ATRNL1: variants seen among roughly 807,000 people sequenced by gnomAD.
ATRNL1 encodes attractin-like protein 1.
Under a neutral mutation model 182.7 loss-of-function variants are expected in ATRNL1, and 95 were observed. That is an observed-to-expected ratio of 0.52 (90% confidence interval 0.44 to 0.62). The LOEUF (loss-of-function observed/expected upper bound fraction) is 0.62. Among genes scored for constraint, ATRNL1 ranks in the 20% least tolerant of loss-of-function variants. ATRNL1 has a pLI of 0.00. For synonymous variants in ATRNL1, 576 were observed against 568.3 expected, an observed-to-expected ratio of 1.01 and a Z score of -0.19; for missense variants, 1,471 against 1,679.5, an observed-to-expected ratio of 0.88 and a Z score of 2.17.
intron 22 of ATRNL1, among the ~76,000 whole-genome samples, chr10:115,462,543 T>G (rs1554969953): frequency 6.6e-6 from 1 of 151,860 alleles, no homozygotes; most frequent in Admixed American, 6.6e-5. Context: ...ACCCAGGAGG[T>G]GGAGGTTGCA....
intron 26 of ATRNL1, among the ~76,000 whole-genome samples, chr10:115,645,633 A>T (rs1555032026): frequency 3.9e-5 from 6 of 151,922 alleles, no homozygotes. Flanking sequence ...TTTAGATGAA[A>T]AGATGTGTTT....
intron 26 of ATRNL1, among the ~76,000 whole-genome samples, chr10:115,613,401 T>C (rs1304241682): frequency 1.3e-5 from 2 of 152,200 alleles, no homozygotes; most frequent in Non-Finnish European, 2.9e-5. Flanking sequence ...CGTGTAATCT[T>C]GTTGATGCTC....
At chr10:115,733,380 A>G (rs12242852) in intron 27 of ATRNL1, among the ~76,000 whole-genome samples, 3,555 of 152,306 alleles carry the variant, frequency 0.023, 125 homozygotes, top group African/African-American at 0.081. Context: ...TAAGAAGCAT[A>G]CGGTAACCTA....
intron 27 of ATRNL1, among the ~76,000 whole-genome samples, chr10:115,831,632 G>A (rs561393364): frequency 5.9e-5 from 9 of 152,142 alleles, no homozygotes; most frequent in South Asian, 4.2e-4. Flanking sequence ...TTCTTGCACC[G>A]GCTAACATGA....
intron 26 of ATRNL1, among the ~76,000 whole-genome samples, chr10:115,695,426 G>A (rs1394427769): frequency 4.6e-5 from 7 of 152,032 alleles, no homozygotes; most frequent in African/African-American, 1.7e-4. Flanking sequence ...TTGAAAGATG[G>A]AAGGTGAAGT....
intron 26 of ATRNL1, among the ~76,000 whole-genome samples, chr10:115,671,317 T>C (rs1291349491): frequency 6.6e-6 from 1 of 152,164 alleles, no homozygotes; most frequent in East Asian, 1.9e-4. Context: ...CTCTGCAAGA[T>C]AGACTCCAGA....
At position 115,860,937 on chromosome 10, in the gene ATRNL1, G is replaced by C. The variant is rs565764196; in HGVS notation, c.4018+12946G>C. Among the ~76,000 whole-genome samples the C allele has an allele frequency of 3.3e-5, 5 of 152,276 alleles. No individual in the cohort carries two copies. In the East Asian group the frequency reaches 7.7e-4, roughly 24 times the overall value. ...GTTCAGGTTCAATACAGCACTCCCA[G>C]TCCTTCCATCTGGGCCTTTGAAGAG... On this transcript the variant is annotated intron_variant, in intron 28 of 28. Coordinates refer to ENST00000355044, the MANE Select transcript of ATRNL1 (RefSeq NM_207303.4).
At chr10:115,440,016 A>G (rs1359107419) in intron 21 of ATRNL1, among the ~76,000 whole-genome samples, 3 of 151,872 alleles carry the variant, frequency 2.0e-5, no homozygotes, top group Admixed American at 1.3e-4. Flanking sequence ...ATTTATTTAT[A>G]TCGGTATGAA....
rs1258964483 is a variant in ATRNL1 at position 115,948,237 on chromosome 10, A to G, written c.*3458A>G. 1 of 152,214 alleles carries G rather than the reference A, an allele frequency of 6.6e-6. No individual in the cohort carries two copies. The allele number at this position is 152,214 out of a possible 1,614,324, so 9.4% of individuals were successfully genotyped here. On this transcript the variant is annotated 3_prime_UTR_variant, in exon 29 of 29. Transcript: ENST00000355044. ...TACTGACTGATGACATTGAGACAAG[A>G]GCATCAATGATCACCTTTCACGTAC...
chr10:115,930,595 A>G (rs560278709), intron 28 of ATRNL1, among the ~76,000 whole-genome samples: 245 of 152,352 alleles, frequency 1.6e-3, no homozygotes, highest in African/African-American at 5.7e-3. Context: ...TTTTGGTCAC[A>G]TGAGTGATTC....
At chr10:115,889,634 G>C (rs1235927785) in intron 28 of ATRNL1, among the ~76,000 whole-genome samples, 2 of 152,190 alleles carry the variant, frequency 1.3e-5, no homozygotes, top group Non-Finnish European at 2.9e-5. Context: ...CAATTCTGCA[G>C]TACAGGCATT....
chr10:115,708,895 T>C (rs1288770543), intron 26 of ATRNL1, among the ~76,000 whole-genome samples: 1 of 151,854 alleles, frequency 6.6e-6, no homozygotes, highest in African/African-American at 2.4e-5. Context: ...AGACAAGATT[T>C]AAATTAGAAT....
chr10:115,840,542 A>T (rs1056713559), intron 27 of ATRNL1, among the ~76,000 whole-genome samples: 6 of 152,114 alleles, frequency 3.9e-5, no homozygotes, highest in African/African-American at 1.4e-4. Flanking sequence ...TACTTTACAG[A>T]TGAAGAACTT....
intron 9 of ATRNL1, among the ~76,000 whole-genome samples, chr10:115,222,249 G>T (rs1336195465): frequency 2.0e-5 from 3 of 151,588 alleles, no homozygotes; most frequent in African/African-American, 7.3e-5. Flanking sequence ...GAGATCAGAA[G>T]GAAACATCCA....
intron 27 of ATRNL1, among the ~76,000 whole-genome samples, chr10:115,730,341 A>G (rs1346443756): frequency 1.3e-5 from 2 of 149,708 alleles, no homozygotes; most frequent in Non-Finnish European, 3.0e-5. Context: ...GCCTACCAAT[A>G]TGTTTTTCTC....
At chr10:115,378,027 G>A (rs1554950031) in intron 19 of ATRNL1, among the ~76,000 whole-genome samples, 1 of 152,090 alleles carries the variant, frequency 6.6e-6, no homozygotes, top group Non-Finnish European at 1.5e-5. Context: ...TTCTGGGTGG[G>A]TCCTTTAGCA....
At chr10:115,467,532 A>T (rs1848111766) in intron 23 of ATRNL1, among the ~76,000 whole-genome samples, 1 of 150,772 alleles carries the variant, frequency 6.6e-6, no homozygotes, top group Non-Finnish European at 1.5e-5. Context: ...TAATTAAGAT[A>T]AATTGCTTCT....
intron 1 of ATRNL1, among the ~76,000 whole-genome samples, chr10:115,110,147 A>T (rs2143520973): frequency 6.6e-6 from 1 of 152,322 alleles, no homozygotes; most frequent in Admixed American, 6.5e-5. Flanking sequence ...ATATAGAAAT[A>T]AACTGAGGTA....
At chr10:115,624,432 CTT>C (rs1857965810) in intron 26 of ATRNL1, among the ~76,000 whole-genome samples, 1 of 152,078 alleles carries the variant, frequency 6.6e-6, no homozygotes, top group East Asian at 1.9e-4. Context: ...AAATATAAGA[CTT>C]GATATTAACA....
Sources: allele counts gnomAD v4.1 joint callset (sites outside exome capture counted in the v4.1 genomes callset), GRCh38; gene constraint gnomAD v4.1.1; transcripts MANE v1.5; gene names NCBI Gene and HGNC (gene_info 2026-07-23, HGNC 2026-07-21).